Variants in CHIC2 observed in about 807,000 individuals in gnomAD.
CHIC2 encodes cysteine-rich hydrophobic domain-containing protein 2.
In CHIC2, 14 loss-of-function variants were observed where a neutral mutation model predicts 25.9. That is an observed-to-expected ratio of 0.54 (90% CI 0.36 to 0.85). The LOEUF (loss-of-function observed/expected upper bound fraction) is 0.85, where lower values mean the gene tolerates loss of function less well. Among genes scored for constraint, CHIC2 ranks in the 40% least tolerant of loss-of-function variants. The pLI is 0.01. For missense variants in CHIC2, 146 were observed against 202.0 expected (o/e 0.72, Z 1.68); for synonymous variants, 70 against 72.0 (o/e 0.97, Z 0.14).
At chr4:54,032,273 C>A (rs1176748498) in intron 3 of CHIC2, among the ~76,000 whole-genome samples, 6 of 137,212 alleles carry the variant, frequency 4.4e-5, no homozygotes, top group African/African-American at 1.4e-4. Context: ...CTCCCCCTCC[C>A]CCTCCCCCTC....
the CHIC2 span, among the ~76,000 whole-genome samples, chr4:54,074,588 CAACACACA>C: frequency 3.7e-5 from 5 of 135,184 alleles, no homozygotes; most frequent in African/African-American, 1.5e-4. Flanking sequence ...TCTCCACCTA[CAACACACA>C]AACACACACA....
At chr4:54,069,132 A>G (rs960778636), upstream of CHIC2, among the ~76,000 whole-genome samples, 13 of 152,138 alleles carry the variant, frequency 8.5e-5, no homozygotes, top group African/African-American at 2.2e-4. Flanking sequence ...GGCTCAAGCA[A>G]TGCTCCCACT....
At position 54,023,624 on chromosome 4, in the gene CHIC2, T is replaced by C. The variant is rs566946689; in HGVS notation, c.331-9505A>G. Among the ~76,000 whole-genome samples the C allele has an allele frequency of 2.2e-4, 33 of 152,284 alleles. No homozygotes were observed. The South Asian group carries it at 5.4e-3, about 25-fold the overall frequency. On this transcript the variant is annotated intron_variant, in intron 3 of 5. Coordinates refer to ENST00000263921, the MANE Select transcript of CHIC2 (RefSeq NM_012110.4). ...CCCCATCCTGATCACACTCAGTTTA[T>C]TGATGGCAGTTCCACCAGGCCTAAT...
intron 3 of CHIC2, among the ~76,000 whole-genome samples, chr4:54,036,119 A>T (rs1303157685): frequency 2.0e-5 from 3 of 152,230 alleles, no homozygotes; most frequent in Non-Finnish European, 2.9e-5. Flanking sequence ...ACTTTGAATA[A>T]GAACTATCTC....
intron 5 of CHIC2, among the ~76,000 whole-genome samples, chr4:54,011,942 C>T (rs777923086): frequency 1.2e-4 from 18 of 151,838 alleles, no homozygotes; most frequent in Non-Finnish European, 1.9e-4. Context: ...AAAAGAGGGA[C>T]ACATGGTTAA....
intron 1 of CHIC2, among the ~76,000 whole-genome samples, chr4:54,050,454 A>G (rs1453768663): frequency 6.6e-6 from 1 of 152,044 alleles, no homozygotes; most frequent in East Asian, 1.9e-4. Flanking sequence ...ATCTTTCCTG[A>G]TAGACCTTGA....
intron 2 of CHIC2, 22 bp from the exon 3 acceptor site, chr4:54,049,132 T>A: frequency 6.3e-7 from 1 of 1,589,532 alleles, no homozygotes; most frequent in Non-Finnish European, 8.6e-7. Context: ...TTTTAAGAAA[T>A]AATAACAATG....
chr4:54,076,102 C>T, the CHIC2 span, among the ~76,000 whole-genome samples: 2 of 151,976 alleles, frequency 1.3e-5, no homozygotes, highest in African/African-American at 2.4e-5. Context: ...GCCTATGCAA[C>T]ATAGCGAGAT....
chr4:54,062,434 G>C (rs1268030751), intron 1 of CHIC2, among the ~76,000 whole-genome samples: 1 of 151,976 alleles, frequency 6.6e-6, no homozygotes, highest in East Asian at 1.9e-4. Flanking sequence ...CAAAGACAAT[G>C]GTCTTTTTTT....
At chr4:54,013,759 A>G in intron 5 of CHIC2, 78 bp downstream of exon 5, 3 of 1,441,240 alleles carry the variant, frequency 2.1e-6, no homozygotes, top group East Asian at 2.3e-5. Flanking sequence ...CTGATTAATA[A>G]TCATGGAAAG....
At chr4:54,043,960 T>A (rs1229604703) in intron 3 of CHIC2, among the ~76,000 whole-genome samples, 2 of 151,896 alleles carry the variant, frequency 1.3e-5, no homozygotes, top group Non-Finnish European at 2.9e-5. Context: ...TGGAGGAAGA[T>A]CTACTAAGCA....
At chr4:54,040,520 G>A (rs1394844853) in intron 3 of CHIC2, among the ~76,000 whole-genome samples, 1 of 151,986 alleles carries the variant, frequency 6.6e-6, no homozygotes, top group Non-Finnish European at 1.5e-5. Flanking sequence ...GGCAAACATG[G>A]TGAAACCCCG....
chr4:54,040,934 A>G (rs1716557265), intron 3 of CHIC2, among the ~76,000 whole-genome samples: 1 of 151,530 alleles, frequency 6.6e-6, no homozygotes, highest in African/African-American at 2.4e-5. Flanking sequence ...CTTGGGAATA[A>G]TATCAGGTCA....
At chr4:54,050,891 T>G (rs1044463696) in intron 1 of CHIC2, among the ~76,000 whole-genome samples, 2 of 151,838 alleles carry the variant, frequency 1.3e-5, no homozygotes, top group Non-Finnish European at 2.9e-5. Flanking sequence ...TATCTTCACT[T>G]TAACCAAAAA....
chr4:54,064,548 C>CA lies in CHIC2; in HGVS notation c.-249dup. On this transcript the variant is annotated 5_prime_UTR_variant, in exon 1 of 6. Transcript: ENST00000263921. This position sits in a 1 kb window ranked among gnomAD's most constrained non-coding sequence, Gnocchi z 4.2. ...ATGTCAACATCCGCCCAGAGGCCGA[C>CA]ACCTCCACAAGCACAGACGCCGCTG... The CA allele has an allele frequency of 7.4e-7, 1 of 1,346,396 alleles. No individual in the cohort carries two copies. The highest frequency in any genetic ancestry group is 9.5e-7 in the Non-Finnish European group (1 of 1,052,692). 83.4% of individuals were successfully genotyped at this position (1,346,396 alleles called of 1,614,324 possible). A position where few individuals can be genotyped will look rare whatever the true frequency, so the allele number is the denominator to read the frequency against.
intron 3 of CHIC2, among the ~76,000 whole-genome samples, chr4:54,042,558 A>G (rs746692593): frequency 2.0e-5 from 3 of 152,232 alleles, no homozygotes; most frequent in Non-Finnish European, 4.4e-5. Context: ...AAAGGTATCT[A>G]CAGTATTAAA....
chr4:54,035,732 T>C (rs1190201977), intron 3 of CHIC2, among the ~76,000 whole-genome samples: 1 of 152,186 alleles, frequency 6.6e-6, no homozygotes, highest in Non-Finnish European at 1.5e-5. Flanking sequence ...CCATTATTTT[T>C]TTCCCCCTCC....
At chr4:54,067,926 C>G (rs148947633), upstream of CHIC2, among the ~76,000 whole-genome samples, 406 of 150,692 alleles carry the variant, frequency 2.7e-3, 3 homozygotes, top group African/African-American at 9.4e-3. Context: ...TTGTCCCCCC[C>G]CCCAAATTCA....
intron 5 of CHIC2, among the ~76,000 whole-genome samples, chr4:54,011,987 T>C (rs914917522): frequency 6.6e-6 from 1 of 152,122 alleles, no homozygotes; most frequent in Non-Finnish European, 1.5e-5. Context: ...ATGAATTTTA[T>C]TTGCTAGTTT....
Sources: gnomAD v4.1 joint callset for allele counts (sites outside exome capture counted in the v4.1 genomes callset) on GRCh38, gnomAD v4.1.1 for gene constraint, Gnocchi (gnomAD v3.1) non-coding constraint, MANE v1.5 for transcripts, NCBI Gene and HGNC (gene_info 2026-07-23, HGNC 2026-07-21) for gene names.